The following FAT4 variants were observed in gnomAD, a reference collection of about 807,000 sequenced individuals.
FAT4 encodes the protein protocadherin Fat 4.
A neutral mutation model predicts 303.9 loss-of-function variants in FAT4; 84 were observed. The ratio of observed to expected loss-of-function variants is 0.28; its 90% CI spans 0.23 to 0.33. The LOEUF (loss-of-function observed/expected upper bound fraction) is 0.33. FAT4 is among the 10% of genes least tolerant of loss of function. FAT4 has a pLI of 1.00. For synonymous variants in FAT4, 2,307 were observed against 2,298.8 expected, an observed-to-expected ratio of 1.00 and a Z score of -0.10; for missense variants, 6,005 against 6,146.8, an observed-to-expected ratio of 0.98 and a Z score of 0.77.
At chr4:125,440,580 C>A (rs868848001) in intron 8 of FAT4, among the ~76,000 whole-genome samples, 1 of 87,392 alleles carries the variant, frequency 1.1e-5, no homozygotes, top group African/African-American at 5.6e-5. Flanking sequence ...TTTCTCAGTA[C>A]TTGTGTGTGT....
intron 11 of FAT4, among the ~76,000 whole-genome samples, chr4:125,464,920 T>C (rs1354708): frequency 1 from 151,777 of 152,322 alleles, 75,620 homozygotes; most frequent in Middle Eastern, 1. Context: ...TAAAGCTCAA[T>C]CTATAGTAGA....
rs140935937 is a variant in FAT4 at position 125,370,297 on chromosome 4, A to G, written c.5176-28487A>G. 9.9e-3 allele frequency among the ~76,000 whole-genome samples: 1,505 copies of G among 152,274 alleles called. 14 individuals are homozygous for G. Among genetic ancestry groups the G allele is most frequent in the Non-Finnish European group, 0.017 (1,163 of 68,034 alleles). ...AGGGCTTTTATATATTTCTCATTGT[A>G]TTCCGACAGGAACCCTACAAAGTAG... On this transcript the variant is annotated intron_variant, in intron 2 of 17. Transcript: ENST00000394329.
At position 125,445,177 on chromosome 4, in the gene FAT4, T is replaced by C. The variant is rs1006129627; in HGVS notation, c.7200-1116T>C. On this transcript the variant is annotated intron_variant, in intron 8 of 17. Transcript: ENST00000394329. ...TCTCAACCAAACCACTTCTCTATTC[T>C]TTCCCTGTTTTGCTATCATTTTATA... is the stretch of plus-strand genomic sequence containing the variant. Among the ~76,000 whole-genome samples the C allele has an allele frequency of 1.4e-4, 22 of 152,238 alleles. No homozygotes were observed. The South Asian group carries it at 1.4e-3, about 10-fold the overall frequency.
intron 15 of FAT4, 145 bp from the exon 16 acceptor site, chr4:125,481,376 A>AT: frequency 1.5e-6 from 1 of 652,474 alleles, no homozygotes; most frequent in South Asian, 2.0e-5. Flanking sequence ...ATAAATGGAA[A>AT]TTATTTTTTA....
At chr4:125,386,813 G>T (rs1733767839) in intron 2 of FAT4, among the ~76,000 whole-genome samples, 1 of 152,100 alleles carries the variant, frequency 6.6e-6, no homozygotes. Flanking sequence ...GTTTAAGATA[G>T]CTGTTTAAAA....
At chr4:125,337,653 A>ACG (rs1294306177) in intron 2 of FAT4, among the ~76,000 whole-genome samples, 1 of 152,056 alleles carries the variant, frequency 6.6e-6, no homozygotes, top group Admixed American at 6.5e-5. Flanking sequence ...TAAAACACTT[A>ACG]TGTAAACACA....
At position 125,455,985 on chromosome 4, in the gene FAT4, G is replaced by A. The variant is rs982860119; in HGVS notation, c.11800+3175G>A. 5.3e-5 allele frequency among the ~76,000 whole-genome samples: 8 copies of A among 152,286 alleles called. No homozygotes were observed. The South Asian group carries it at 1.2e-3, about 24-fold the overall frequency. On this transcript the variant is annotated intron_variant, in intron 10 of 17. Coordinates refer to ENST00000394329, the MANE Select transcript of FAT4 (RefSeq NM_001291303.3). ...GACATGGCAGGCATTGCAAGACACC[G>A]CTGCTGATCCTCTTGCCCACCTGCA... is the stretch of plus-strand genomic sequence containing the variant.
intron 2 of FAT4, among the ~76,000 whole-genome samples, chr4:125,332,176 T>C (rs1172828584): frequency 7.1e-6 from 1 of 141,506 alleles, no homozygotes; most frequent in Non-Finnish European, 1.5e-5. Flanking sequence ...TTTTTTTTTT[T>C]CCTTTCTCAA....
At chr4:125,481,086 C>T (rs1295870322) in intron 15 of FAT4, among the ~76,000 whole-genome samples, 1 of 151,992 alleles carries the variant, frequency 6.6e-6, no homozygotes. Context: ...CTTGATTGAA[C>T]ACTTCTTTGT....
chr4:125,394,466 G>A (rs1319536132), intron 2 of FAT4, among the ~76,000 whole-genome samples: 2 of 152,088 alleles, frequency 1.3e-5, no homozygotes, highest in Non-Finnish European at 2.9e-5. Context: ...TACAACATAT[G>A]CTTTTTTAGT....
Position 125,315,198 on chromosome 4 carries a change from C to G in FAT4, c.-792C>G, listed in dbSNP as rs1730519304. Among the ~76,000 whole-genome samples the G allele has an allele frequency of 6.6e-6, 1 of 151,894 alleles. No homozygotes were observed. Among genetic ancestry groups the G allele is most frequent in the Non-Finnish European group, 1.5e-5 (1 of 67,944 alleles). The stretch of plus-strand genomic sequence containing the variant: ...TCCACCGCAGTCCAACCTTCGGCCC[C>G]GGCCGGCGAGAGGGAGAGCGCTGAC... On this transcript the variant is annotated 5_prime_UTR_variant, in exon 1 of 18. Transcript: ENST00000394329.
intron 2 of FAT4, among the ~76,000 whole-genome samples, chr4:125,385,506 T>C (rs1042066162): frequency 2.6e-5 from 4 of 152,212 alleles, no homozygotes; most frequent in African/African-American, 9.6e-5. Flanking sequence ...TCCAGTTTTT[T>C]TCCATAGAAC....
chr4:125,363,640 C>T (rs1032050901), intron 2 of FAT4, among the ~76,000 whole-genome samples: 5 of 151,904 alleles, frequency 3.3e-5, no homozygotes, highest in East Asian at 1.9e-4. Flanking sequence ...GGACAACAGG[C>T]GCATGCCACC....
chr4:125,415,931 T>TGC, intron 6 of FAT4, 125 bp downstream of exon 6: 1 of 714,590 alleles, frequency 1.4e-6, no homozygotes, highest in Non-Finnish European at 2.2e-6. Flanking sequence ...AATGCTCAAT[T>TGC]GCAGATACAG....
At chr4:125,441,064 G>A (rs539911997) in intron 8 of FAT4, among the ~76,000 whole-genome samples, 1 of 152,062 alleles carries the variant, frequency 6.6e-6, no homozygotes, top group African/African-American at 2.4e-5. Flanking sequence ...TCACTTCCAC[G>A]CCTCTAGTTT....
At chr4:125,431,003 T>TC (rs982332017) in intron 7 of FAT4, among the ~76,000 whole-genome samples, 3 of 152,126 alleles carry the variant, frequency 2.0e-5, no homozygotes, top group African/African-American at 7.2e-5. Flanking sequence ...CATTTTTTAC[T>TC]CCCCCCAGCA....
intron 10 of FAT4, among the ~76,000 whole-genome samples, chr4:125,456,759 A>G (rs567513263): frequency 2.0e-5 from 3 of 152,186 alleles, no homozygotes; most frequent in Non-Finnish European, 2.9e-5. Flanking sequence ...ATACCAAAAC[A>G]TCTTAACATC....
chr4:125,320,190 T>C lies in FAT4; in HGVS notation c.3779T>C (p.Ile1260Thr). The change falls in exon 2 of 18, where the codon ATA becomes ACA. Residue 1260 changes from isoleucine (I) to threonine (T), a missense_variant. Transcript: ENST00000394329. Reference protein sequence around the residue: ...IKGNEERQFAIDSTSGQVTLI... With the variant: ...IKGNEERQFATDSTSGQVTLI... Reference sequence around the variant, plus strand: ...GGAAATGAAGAAAGACAGTTTGCTATAGACAGTACCTCTGGTCAGGTAACA... The same window carrying C: ...GGAAATGAAGAAAGACAGTTTGCTACAGACAGTACCTCTGGTCAGGTAACA... 2 of 1,613,750 alleles carry C rather than the reference T, an allele frequency of 1.2e-6. No individual in the cohort carries two copies. The highest frequency in any genetic ancestry group is 1.7e-6 in the Non-Finnish European group (2 of 1,179,650).
chr4:125,374,863 G>T (rs1042870807), intron 2 of FAT4, among the ~76,000 whole-genome samples: 1 of 152,056 alleles, frequency 6.6e-6, no homozygotes, highest in Non-Finnish European at 1.5e-5. Context: ...GATTCCAGAA[G>T]GATACAAGTA....
Sources: gnomAD v4.1 joint callset for allele counts (sites outside exome capture counted in the v4.1 genomes callset) on GRCh38, gnomAD v4.1.1 for gene constraint, MANE v1.5 for transcripts, NCBI Gene and HGNC (gene_info 2026-07-23, HGNC 2026-07-21) for gene names.